Variants in AGAP1 observed in about 807,000 individuals in gnomAD.
AGAP1 encodes ArfGAP with GTPase domain, ankyrin repeat and PH domain 1.
Under a neutral mutation model 105.3 loss-of-function variants are expected in AGAP1, and 29 were observed. The ratio of observed to expected loss-of-function variants is 0.28; its 90% CI spans 0.21 to 0.38. The LOEUF (loss-of-function observed/expected upper bound fraction) is 0.38, where lower values mean the gene tolerates loss of function less well. Among genes scored for constraint, AGAP1 ranks in the 10% least tolerant of loss-of-function variants. The pLI, the probability that AGAP1 is intolerant of heterozygous loss-of-function variation, is 1.00. For missense variants in AGAP1, 998 were observed against 1,165.1 expected, an observed-to-expected ratio of 0.86 and a Z score of 2.09; for synonymous variants, 509 against 485.9, an observed-to-expected ratio of 1.05 and a Z score of -0.63.
In AGAP1 at chr2:235,824,417, G is replaced by A. The variant is rs1958959366; in HGVS notation, c.1050+17086G>A. Among the ~76,000 whole-genome samples, 1 of 152,194 alleles carries A rather than the reference G, an allele frequency of 6.6e-6. No homozygotes were observed. Among genetic ancestry groups the A allele is most frequent in the Non-Finnish European group, 1.5e-5 (1 of 68,046 alleles). ...TACCAGTGTAATTAAATATTTCAGA[G>A]CACTTGGCTACAGTAGCATTGAACT... is the stretch of plus-strand genomic sequence containing the variant. On this transcript the variant is annotated intron_variant, in intron 9 of 17. Coordinates refer to ENST00000304032, the MANE Select transcript of AGAP1 (RefSeq NM_001037131.3). This position sits in a 1 kb window ranked among gnomAD's most constrained non-coding sequence, Gnocchi z 5.2.
rs1474201508 is a variant in AGAP1 at position 236,123,042 on chromosome 2, G to A, written c.2371-877G>A. On this transcript the variant is annotated intron_variant, in intron 17 of 17. Transcript: ENST00000304032. The surrounding 1 kb of genome is among the most constrained non-coding windows in gnomAD (Gnocchi z 4.6). ...GGGGAGAGTTCTGAATTCTGTTCAT[G>A]TGGTGGAATACTGTATGACTTGCAT... 6.6e-6 allele frequency among the ~76,000 whole-genome samples: 1 copy of A among 151,906 alleles called. No individual in the cohort carries two copies. Among genetic ancestry groups the A allele is most frequent in the Non-Finnish European group, 1.5e-5 (1 of 67,980 alleles).
intron 11 of AGAP1, among the ~76,000 whole-genome samples, chr2:235,911,172 A>G (rs1047654203): frequency 5.2e-4 from 79 of 152,222 alleles, no homozygotes; most frequent in African/African-American, 1.8e-3. Context: ...TGAATTATGT[A>G]TACATTGTGG....
chr2:235,539,682 C>T (rs1372266827), intron 1 of AGAP1, among the ~76,000 whole-genome samples: 1 of 152,142 alleles, frequency 6.6e-6, no homozygotes, highest in Non-Finnish European at 1.5e-5. Context: ...TCTAGATCAA[C>T]TCACCTCTCT....
intron 1 of AGAP1, among the ~76,000 whole-genome samples, chr2:235,508,617 G>T (rs528726093): frequency 6.6e-6 from 1 of 152,294 alleles, no homozygotes; most frequent in Admixed American, 6.5e-5. Context: ...GCGATTACAG[G>T]TCCCGAAGTC....
At chr2:235,831,600 T>C (rs1959420273) in intron 9 of AGAP1, among the ~76,000 whole-genome samples, 1 of 152,238 alleles carries the variant, frequency 6.6e-6, no homozygotes. Context: ...ATCACTAATA[T>C]GCATTTAAGC....
intron 14 of AGAP1, among the ~76,000 whole-genome samples, chr2:236,039,849 A>G (rs2057493730): frequency 6.6e-6 from 1 of 152,230 alleles, no homozygotes; most frequent in African/African-American, 2.4e-5. Context: ...ATGCTTAACT[A>G]TGGATGGCCG....
chr2:235,659,785 T>G lies in AGAP1; in HGVS notation c.164-49394T>G, dbSNP rs1042542106. ...TAGTGTATATTTCTTTGTCTCTCAG[T>G]TGGGGCCCTGGCCTCTGCAGATAAG... On this transcript the variant is annotated intron_variant, in intron 1 of 17. Transcript: ENST00000304032. The surrounding 1 kb of genome is among the most constrained non-coding windows in gnomAD (Gnocchi z 5.0). Among the ~76,000 whole-genome samples the G allele has an allele frequency of 6.6e-6, 1 of 152,224 alleles. No homozygotes were observed. Among genetic ancestry groups the G allele is most frequent in the Admixed American group, 6.5e-5 (1 of 15,274 alleles).
At chr2:235,807,159 G>A in intron 8 of AGAP1, 80 bp from the exon 9 acceptor site, 1 of 1,415,880 alleles carries the variant, frequency 7.1e-7, no homozygotes, top group Non-Finnish European at 9.8e-7. Flanking sequence ...TGTATTGGCA[G>A]GAATTCTGCA....
At position 235,494,607 on chromosome 2, in the gene AGAP1, C is replaced by G. The variant is rs1282427787; in HGVS notation, c.-80C>G. The G allele has an allele frequency of 2.4e-5, 18 of 741,196 alleles. No homozygotes were observed. The highest frequency in any genetic ancestry group is 2.6e-5 in the Non-Finnish European group (16 of 613,296). 45.9% of individuals were successfully genotyped at this position (741,196 alleles called of 1,614,324 possible). On this transcript the variant is annotated 5_prime_UTR_variant, in exon 1 of 18. Coordinates refer to ENST00000304032, the MANE Select transcript of AGAP1 (RefSeq NM_001037131.3). ...CGGCTCCCCGGGGGCTGCGGCGCCC[C>G]GGGCTCGGCGGCCCGCGGGCCCCGG...
In AGAP1 at chr2:235,582,830, A is replaced by G. The variant is rs1033865169; in HGVS notation, c.163+87981A>G. On this transcript the variant is annotated intron_variant, in intron 1 of 17. Coordinates refer to ENST00000304032, the MANE Select transcript of AGAP1 (RefSeq NM_001037131.3). The surrounding 1 kb of genome is among the most constrained non-coding windows in gnomAD (Gnocchi z 4.7). ...CACAGCCTTATGCTGCATTTCCTAAAGTGCTTTCTAGCACTGACCGACTCC... is the reference window on the plus strand; with the variant it reads ...CACAGCCTTATGCTGCATTTCCTAAGGTGCTTTCTAGCACTGACCGACTCC... Among the ~76,000 whole-genome samples the G allele has an allele frequency of 1.3e-5, 2 of 152,196 alleles. No individual in the cohort carries two copies. Among genetic ancestry groups the G allele is most frequent in the African/African-American group, 4.8e-5 (2 of 41,446 alleles).
rs1431395913 is a variant in AGAP1 at position 235,610,684 on chromosome 2, A to G, written c.164-98495A>G. ...AGCCCATAGCACAGCGCTTCCGCAC[A>G]CATCCACATTGCAGACCCGCCATCC... is the stretch of plus-strand genomic sequence containing the variant. On this transcript the variant is annotated intron_variant, in intron 1 of 17. Coordinates refer to ENST00000304032, the MANE Select transcript of AGAP1 (RefSeq NM_001037131.3). The surrounding 1 kb of genome is among the most constrained non-coding windows in gnomAD (Gnocchi z 4.9). 6.6e-6 allele frequency among the ~76,000 whole-genome samples: 1 copy of G among 152,132 alleles called. No homozygotes were observed.
At chr2:235,935,205 T>G (rs1015006215) in intron 12 of AGAP1, among the ~76,000 whole-genome samples, 3 of 152,236 alleles carry the variant, frequency 2.0e-5, no homozygotes, top group Non-Finnish European at 4.4e-5. Context: ...ACATGAGACC[T>G]GCATCTGCCC....
intron 11 of AGAP1, among the ~76,000 whole-genome samples, chr2:235,921,395 C>T (rs113477433): frequency 1.3e-4 from 20 of 152,254 alleles, no homozygotes; most frequent in South Asian, 2.1e-4. Context: ...ATCTGTTAGA[C>T]GAGATTTTGG....
At chr2:236,088,411 A>G (rs917783950) in intron 16 of AGAP1, among the ~76,000 whole-genome samples, 3 of 152,234 alleles carry the variant, frequency 2.0e-5, no homozygotes, top group African/African-American at 7.2e-5. Flanking sequence ...TGTAATGACC[A>G]TCTTGGAGGG....
chr2:235,977,837 C>T lies in AGAP1; in HGVS notation c.1645+9214C>T, dbSNP rs1352625367. Among the ~76,000 whole-genome samples the T allele has an allele frequency of 2.0e-5, 3 of 152,134 alleles. No individual in the cohort carries two copies. Among genetic ancestry groups the T allele is most frequent in the Non-Finnish European group, 2.9e-5 (2 of 68,012 alleles). The stretch of plus-strand genomic sequence containing the variant: ...GAGGATGAAATAAAATTGCACCTAC[C>T]GTTTGTCTTAGCTCAGCCTGCCATA... On this transcript the variant is annotated intron_variant, in intron 13 of 17. Transcript: ENST00000304032. This position sits in a 1 kb window ranked among gnomAD's most constrained non-coding sequence, Gnocchi z 5.2.
intron 1 of AGAP1, among the ~76,000 whole-genome samples, chr2:235,630,349 T>G (rs1296161979): frequency 6.6e-6 from 1 of 152,156 alleles, no homozygotes; most frequent in African/African-American, 2.4e-5. Flanking sequence ...TAGTTGGGAT[T>G]ACAGGTGTGC....
chr2:235,640,794 T>A (rs11683966), intron 1 of AGAP1, among the ~76,000 whole-genome samples: 3,572 of 152,248 alleles, frequency 0.023, 136 homozygotes, highest in African/African-American at 0.079. Context: ...TGCCTGAGAG[T>A]GAGTCTGAGA....
chr2:235,496,152 T>G (rs1941310160), intron 1 of AGAP1, among the ~76,000 whole-genome samples: 1 of 152,226 alleles, frequency 6.6e-6, no homozygotes, highest in Admixed American at 6.5e-5. Context: ...CCTTGGCATT[T>G]GGCAGCCCTG....
At chr2:235,562,269 T>C (rs915960732) in intron 1 of AGAP1, among the ~76,000 whole-genome samples, 1 of 152,166 alleles carries the variant, frequency 6.6e-6, no homozygotes, top group Non-Finnish European at 1.5e-5. Flanking sequence ...TAACATATTA[T>C]GACTGCAATC....
Sources: allele counts gnomAD v4.1 joint callset (sites outside exome capture counted in the v4.1 genomes callset), GRCh38; gene constraint gnomAD v4.1.1; non-coding constraint Gnocchi (gnomAD v3.1); transcripts MANE v1.5; gene names NCBI Gene and HGNC (gene_info 2026-07-23, HGNC 2026-07-21).